Variants in LAMA5 observed in about 807,000 individuals in gnomAD.
LAMA5 encodes laminin subunit alpha-5.
A neutral mutation model predicts 433.4 loss-of-function variants in LAMA5; 260 were observed. That is an observed-to-expected ratio of 0.60 (90% confidence interval 0.54 to 0.66). The LOEUF (loss-of-function observed/expected upper bound fraction) is 0.66. Ranked by LOEUF, LAMA5 falls within the 30% of genes least tolerant of loss-of-function variation. The pLI is 0.00. For missense variants in LAMA5, 5,378 were observed against 5,258.5 expected, an observed-to-expected ratio of 1.02 and a Z score of -0.70; for synonymous variants, 2,620 against 2,226.6, an observed-to-expected ratio of 1.18 and a Z score of -4.97.
At chr20:62,320,499 G>T in intron 50 of LAMA5, 60 bp downstream of exon 50, 2 of 1,315,838 alleles carry the variant, frequency 1.5e-6, no homozygotes, top group South Asian at 1.3e-5. Flanking sequence ...GAGGACAAGC[G>T]AACCGCGGGG....
intron 1 of LAMA5, among the ~76,000 whole-genome samples, chr20:62,364,696 T>C (rs545338258): frequency 8.5e-5 from 13 of 152,326 alleles, no homozygotes; most frequent in Admixed American, 2.6e-4. Flanking sequence ...GATCCCCTGA[T>C]GCCCACCTGG....
chr20:62,349,364 CAA>C (rs1457225668), intron 6 of LAMA5, among the ~76,000 whole-genome samples: 1 of 149,696 alleles, frequency 6.7e-6, no homozygotes, highest in African/African-American at 2.5e-5. Flanking sequence ...ACACCAATGG[CAA>C]AAAGACCATA....
chr20:62,317,694 T>G lies in LAMA5; in HGVS notation c.7324A>C (p.Arg2442=). 1.2e-6 allele frequency: 2 copies of G among 1,600,648 alleles called. No individual in the cohort carries two copies. The highest frequency in any genetic ancestry group is 1.7e-6 in the Non-Finnish European group (2 of 1,174,436). Residue 2442 remains arginine, a synonymous_variant, in exon 54 of 80, where the codon AGA becomes CGA. Coordinates refer to ENST00000252999, the MANE Select transcript of LAMA5 (RefSeq NM_005560.6). ...AARDTLASVF[R]LLHSLDQAKE... ...GCCTGGTCCAGGCTGTGCAGCAATCTGAAGACGCTGGCCAGGGTGTCCCTA... is the reference window on the plus strand; with the variant it reads ...GCCTGGTCCAGGCTGTGCAGCAATCGGAAGACGCTGGCCAGGGTGTCCCTA...
Position 62,309,804 on chromosome 20 carries a change from C to A in LAMA5, c.10860G>T (p.Glu3620Asp), listed in dbSNP as rs201591111. 1 of 1,611,254 alleles carries A rather than the reference C, an allele frequency of 6.2e-7. No individual in the cohort carries two copies. The highest frequency in any genetic ancestry group is 1.1e-5 in the South Asian group (1 of 91,020). The change falls in exon 79 of 80, where the codon GAG becomes GAT. Residue 3620 changes from glutamate to aspartate, a missense_variant. Glu to Asp is a conservative substitution (Grantham distance 45). Coordinates refer to ENST00000252999, the MANE Select transcript of LAMA5 (RefSeq NM_005560.6). ...VMKSGNVLRL[E>D]VDAQSNHTVG... ...CGGTGTGGTTGCTCTGCGCGTCCACCTCCAGCCGGAGCACATTCCCGCTTT... is the reference window on the plus strand; with the variant it reads ...CGGTGTGGTTGCTCTGCGCGTCCACATCCAGCCGGAGCACATTCCCGCTTT...
In LAMA5 at chr20:62,367,219, G is replaced by A. The variant is rs1986838149; in HGVS notation, c.27C>T (p.Ser9=). 3 of 1,205,836 alleles carry A rather than the reference G, an allele frequency of 2.5e-6. No individual in the cohort carries two copies. The highest frequency in any genetic ancestry group is 1.6e-5 in the African/African-American group (1 of 62,410). The allele number at this position is 1,205,836 out of a possible 1,614,324, so 74.7% of individuals were successfully genotyped here. Residue 9 remains serine (S), a synonymous_variant, in exon 1 of 80, where the codon AGC becomes AGT. Transcript: ENST00000252999. The stretch of plus-strand genomic sequence containing the variant: ...CCCGGGGGCCGCGAACACACAGTGC[G>A]CTCCCCGCGCAGAGCCGCTTCGCCA... The part of the protein sequence containing the change: MAKRLCAG[S]ALCVRGPRGP...
Position 62,320,903 on chromosome 20 carries a change from T to C in LAMA5, c.6497-13A>G, listed in dbSNP as rs781370265. 96 of 1,601,774 alleles carry C rather than the reference T, an allele frequency of 6.0e-5. 1 individual carries two copies. In the African/African-American group the frequency reaches 1.0e-3, roughly 17 times the overall value. ...CAGTGGTCACACACTGCAGGCGATGTGGGGTCACAGGTCAGTGTCATTGGG... is the reference window on the plus strand; with the variant it reads ...CAGTGGTCACACACTGCAGGCGATGCGGGGTCACAGGTCAGTGTCATTGGG... On this transcript the variant is annotated splice_polypyrimidine_tract_variant and intron_variant, in intron 48 of 79. Coordinates refer to ENST00000252999, the MANE Select transcript of LAMA5 (RefSeq NM_005560.6).
chr20:62,367,159 C>T lies in LAMA5; in HGVS notation c.87G>A (p.Leu29=), dbSNP rs1289543229. ...CCTCCCGCGCCCGCGCCGCGCCCAG[C>T]AGCGCCAGCCCGACCAGCAGCAGCG... ...PAPLLLVGLA[L]LGAARAREEA... is the part of the protein sequence containing the mutation. Residue 29 remains leucine, a synonymous_variant, in exon 1 of 80, where the codon CTG becomes CTA. Coordinates refer to ENST00000252999, the MANE Select transcript of LAMA5 (RefSeq NM_005560.6). 2.4e-6 allele frequency: 3 copies of T among 1,242,168 alleles called. No homozygotes were observed. The highest frequency in any genetic ancestry group is 3.4e-5 in the South Asian group (1 of 29,150). The allele number at this position is 1,242,168 out of a possible 1,614,324, so 76.9% of individuals were successfully genotyped here.
intron 38 of LAMA5, 98 bp from the exon 39 acceptor site, chr20:62,327,064 G>A (rs1979426801): frequency 1.8e-6 from 2 of 1,126,934 alleles, no homozygotes; most frequent in Admixed American, 2.3e-5. Flanking sequence ...AGAGCCCTGT[G>A]CTGGGCCTGG....
chr20:62,357,818 G>C (rs1036762996), intron 2 of LAMA5, among the ~76,000 whole-genome samples: 2 of 152,194 alleles, frequency 1.3e-5, no homozygotes, highest in Non-Finnish European at 2.9e-5. Context: ...TGGGTTCCCA[G>C]CCAGGGGGCT....
intron 18 of LAMA5, among the ~76,000 whole-genome samples, chr20:62,336,057 C>T (rs983628577): frequency 1.4e-5 from 2 of 144,240 alleles, no homozygotes; most frequent in African/African-American, 5.2e-5. Context: ...CCCTTTAGGG[C>T]ACACTCACAG....
intron 2 of LAMA5, chr20:62,356,217 G>C (rs941684694): frequency 6.6e-6 from 1 of 152,424 alleles, no homozygotes; most frequent in African/African-American, 2.4e-5. Context: ...AGCTGTCCTC[G>C]AGGGCCTGGT....
rs1978949699 is a variant in LAMA5 at position 62,324,694 on chromosome 20, G to C, written c.5530-140C>G. 1 of 636,898 alleles carries C rather than the reference G, an allele frequency of 1.6e-6. No individual in the cohort carries two copies. Among genetic ancestry groups the C allele is most frequent in the Non-Finnish European group, 2.9e-6 (1 of 350,832 alleles). 39.5% of individuals were successfully genotyped at this position (636,898 alleles called of 1,614,324 possible). On this transcript the variant is annotated intron_variant, in intron 41 of 79. Transcript: ENST00000252999. The surrounding 1 kb of genome is among the most constrained non-coding windows in gnomAD (Gnocchi z 4.4). Reference sequence around the variant, plus strand: ...GTGGAGCATGGTCACCGCTGGGTCAGAGGCTGGTCAGGAACTCCTGGCCTC... The same window carrying C: ...GTGGAGCATGGTCACCGCTGGGTCACAGGCTGGTCAGGAACTCCTGGCCTC...
rs767651519 is a variant in LAMA5 at position 62,318,657 on chromosome 20, G to C, written c.7043-7C>G. ...TCCTGCACCCGGGCCAGCACTAGCC[G>C]AGACCAGGGTGAGGGTGGTCACTCT... On this transcript the variant is annotated splice_region_variant and splice_polypyrimidine_tract_variant and intron_variant, in intron 52 of 79. Coordinates refer to ENST00000252999, the MANE Select transcript of LAMA5 (RefSeq NM_005560.6). 3.1e-6 allele frequency: 5 copies of C among 1,608,790 alleles called. No homozygotes were observed. Among genetic ancestry groups the C allele is most frequent in the Non-Finnish European group, 4.2e-6 (5 of 1,178,380 alleles).
At chr20:62,365,099 A>T (rs1219845988) in intron 1 of LAMA5, among the ~76,000 whole-genome samples, 1 of 152,232 alleles carries the variant, frequency 6.6e-6, no homozygotes, top group East Asian at 1.9e-4. Context: ...ATCTTTCTAC[A>T]TATCTGGCAG....
Position 62,338,210 on chromosome 20 carries a change from C to G in LAMA5, c.1756+22G>C. On this transcript the variant is annotated intron_variant, in intron 13 of 79. Transcript: ENST00000252999. ...CCCACGGGCCTCCCCTACCCACGCC[C>G]ACGTGGAGAGGCACCACTCACACTG... The G allele has an allele frequency of 1.9e-6, 3 of 1,579,044 alleles. No individual in the cohort carries two copies. In the South Asian group the frequency reaches 3.5e-5, roughly 18 times the overall value.
chr20:62,332,731 AGGGTGACGGGAGGCCCG>A lies in LAMA5; in HGVS notation c.3283-31_3283-15del. 1 of 1,608,856 alleles carries A rather than the reference AGGGTGACGGGAGGCCCG, an allele frequency of 6.2e-7. No homozygotes were observed. Among genetic ancestry groups the A allele is most frequent in the Admixed American group, 1.7e-5 (1 of 59,014 alleles). On this transcript the variant is annotated splice_polypyrimidine_tract_variant and intron_variant, in intron 26 of 79. Transcript: ENST00000252999. Reference sequence around the variant, plus strand: ...CTGGACGTCCACCTGCAGGGAAGGCAGGGTGACGGGAGGCCCGCCACCCCTCGCCCTTCCCACCTCCC... The same window carrying A: ...CTGGACGTCCACCTGCAGGGAAGGCACCACCCCTCGCCCTTCCCACCTCCC...
Position 62,310,096 on chromosome 20 carries a change from A to AGG in LAMA5, c.10735-17_10735-16dup. ...CGCAGCAGGACCTGGCGGGGTAGGA[A>AGG]GGGAGGGTCAGGCTATGCCCCCGAG... On this transcript the variant is annotated splice_polypyrimidine_tract_variant and intron_variant, in intron 77 of 79. Transcript: ENST00000252999. 6.2e-7 allele frequency: 1 copy of AGG among 1,610,918 alleles called. No individual in the cohort carries two copies. The highest frequency in any genetic ancestry group is 8.5e-7 in the Non-Finnish European group (1 of 1,179,732).
At chr20:62,344,413 G>T (rs1983047941) in intron 11 of LAMA5, among the ~76,000 whole-genome samples, 1 of 152,034 alleles carries the variant, frequency 6.6e-6, no homozygotes, top group African/African-American at 2.4e-5. Flanking sequence ...TGGTCAGCAG[G>T]TGCCATGCTG....
chr20:62,362,265 CCTT>C, intron 2 of LAMA5, 132 bp downstream of exon 2: 2 of 876,714 alleles, frequency 2.3e-6, no homozygotes, highest in Non-Finnish European at 1.6e-6. Flanking sequence ...CCCACCAAGT[CCTT>C]CGTGTCCAGC....
Sources: allele counts gnomAD v4.1 joint callset (sites outside exome capture counted in the v4.1 genomes callset), GRCh38; gene constraint gnomAD v4.1.1; non-coding constraint Gnocchi (gnomAD v3.1); transcripts MANE v1.5; gene names NCBI Gene and HGNC (gene_info 2026-07-23, HGNC 2026-07-21).